The following MTMR8 variants were observed in gnomAD, a reference collection of about 807,000 sequenced individuals.
MTMR8 encodes the protein myotubularin related protein 8.
A neutral mutation model predicts 39.3 loss-of-function variants in MTMR8; 65 were observed. That is an observed-to-expected ratio of 1.65 (90% CI 1.35 to 2.03). The LOEUF is 2.03. MTMR8 is among the 30% of genes most tolerant of loss of function. The pLI, the probability that MTMR8 is intolerant of heterozygous loss-of-function variation, is 0.00. For missense variants in MTMR8, 777 were observed against 538.9 expected (o/e 1.44, Z -4.37); for synonymous variants, 245 against 185.2 (o/e 1.32, Z -2.62).
At chrX:64,318,703 TTTTTG>T (rs1452865346) in intron 12 of MTMR8, among the ~76,000 whole-genome samples, 2 of 94,839 alleles carry the variant, frequency 2.1e-5, no homozygotes, top group Non-Finnish European at 2.0e-5. Flanking sequence ...TTGGTTTGGT[TTTTTG>T]TTTTTTTTTT....
chrX:64,363,082 TGGTAG>T (rs1296790396), intron 1 of MTMR8, among the ~76,000 whole-genome samples: 1 of 111,835 alleles, frequency 8.9e-6, no homozygotes, highest in East Asian at 2.8e-4. Context: ...TGCCAAGTGT[TGGTAG>T]GGTTCAAGGC....
intron 10 of MTMR8, 26 bp downstream of exon 10, chrX:64,336,053 T>C: frequency 1.7e-6 from 2 of 1,156,098 alleles, no homozygotes; most frequent in Non-Finnish European, 2.3e-6. Flanking sequence ...CCTCAGCCCC[T>C]TCCTTCAAAA....
Position 64,268,508 on chromosome X carries a change from A to G in MTMR8, c.*29T>C. 1 of 1,179,591 alleles carries G rather than the reference A, an allele frequency of 8.5e-7. No individual in the cohort carries two copies. The highest frequency in any genetic ancestry group is 1.1e-6 in the Non-Finnish European group (1 of 880,560). On this transcript the variant is annotated 3_prime_UTR_variant, in exon 14 of 14. Coordinates refer to ENST00000374852, the MANE Select transcript of MTMR8 (RefSeq NM_017677.4). ...AAGAATCATTGTAGCTGCTGTAGGT[A>G]TACCTAGCATGGAAGATGAGTAACT...
chrX:64,289,636 C>CAAAAAAAAAA (rs749879321), intron 12 of MTMR8, among the ~76,000 whole-genome samples: 6 of 26,422 alleles, frequency 2.3e-4, no homozygotes, highest in African/African-American at 6.1e-4. Context: ...GACTCCATCG[C>CAAAAAAAAAA]AAAAAAAAAA....
At chrX:64,343,890 C>G (rs1923281883) in intron 7 of MTMR8, among the ~76,000 whole-genome samples, 170 bp from the exon 8 acceptor site, 1 of 111,498 alleles carries the variant, frequency 9.0e-6, no homozygotes, top group Non-Finnish European at 1.9e-5. Flanking sequence ...TAAAGCCTAC[C>G]AGATCTCCTC....
intron 12 of MTMR8, among the ~76,000 whole-genome samples, chrX:64,280,502 T>C (rs965135898): frequency 1.8e-5 from 2 of 111,926 alleles, no homozygotes; most frequent in Non-Finnish European, 3.8e-5. Context: ...TCAATGTCCT[T>C]CATGTTAAAA....
intron 12 of MTMR8, among the ~76,000 whole-genome samples, chrX:64,323,271 T>G (rs1419206094): frequency 8.9e-6 from 1 of 112,449 alleles, no homozygotes; most frequent in African/African-American, 3.2e-5. Flanking sequence ...GGAGTAGCTA[T>G]AATCATAACA....
Position 64,271,022 on chromosome X carries a change from C to G in MTMR8, c.1533G>C (p.Gln511His). The G allele has an allele frequency of 8.3e-7, 1 of 1,209,242 alleles. No individual in the cohort carries two copies. The highest frequency in any genetic ancestry group is 1.1e-6 in the Non-Finnish European group (1 of 894,265). The change falls in exon 13 of 14, where the codon CAG (glutamine) becomes CAC (histidine). Residue 511 changes from glutamine (Q) to histidine (H), a missense_variant. Physicochemically the swap from Gln to His is conservative, Grantham distance 24. Coordinates refer to ENST00000374852, the MANE Select transcript of MTMR8 (RefSeq NM_017677.4). ...TTTCCAGGAGGCTCTCTAGCATACT[C>G]TGCTTGGGCTGCAGCCCTTTGTCAA... Reference protein sequence around the residue: ...NRFDKGLQPKQSMLESLLEIK... With the variant: ...NRFDKGLQPKHSMLESLLEIK...
At chrX:64,395,237 G>A (rs1924789731) in intron 1 of MTMR8, 103 bp downstream of exon 1, 2 of 869,697 alleles carry the variant, frequency 2.3e-6, no homozygotes, top group Non-Finnish European at 3.4e-6. Flanking sequence ...CAGGAAAGAC[G>A]CGTCAAAGAA....
intron 1 of MTMR8, among the ~76,000 whole-genome samples, chrX:64,365,203 G>A (rs1290910716): frequency 1.8e-5 from 2 of 110,972 alleles, no homozygotes; most frequent in Non-Finnish European, 3.8e-5. Context: ...ACTATCCAAG[G>A]GAAAGTCCCC....
At chrX:64,350,482 T>G (rs1425524102) in intron 4 of MTMR8, among the ~76,000 whole-genome samples, 1 of 111,840 alleles carries the variant, frequency 8.9e-6, no homozygotes, top group Non-Finnish European at 1.9e-5. Flanking sequence ...AAGTACATTT[T>G]GTTCTTATAT....
chrX:64,370,650 T>C (rs1000470241), intron 1 of MTMR8, among the ~76,000 whole-genome samples: 2 of 112,126 alleles, frequency 1.8e-5, no homozygotes, highest in African/African-American at 6.5e-5. Flanking sequence ...ATAACAACAT[T>C]TCAGTCAACA....
At chrX:64,299,697 G>C (rs1450313361) in intron 12 of MTMR8, among the ~76,000 whole-genome samples, 1 of 97,692 alleles carries the variant, frequency 1.0e-5, no homozygotes, top group Non-Finnish European at 2.1e-5. Flanking sequence ...GATCTTTCCT[G>C]CTTTCTCTTG....
At chrX:64,385,301 C>T (rs1924530390) in intron 1 of MTMR8, among the ~76,000 whole-genome samples, 1 of 111,710 alleles carries the variant, frequency 9.0e-6, no homozygotes, top group African/African-American at 3.3e-5. Flanking sequence ...ATTTTGTTCA[C>T]AACCATTTAA....
At chrX:64,272,568 G>A (rs1602100199) in intron 12 of MTMR8, among the ~76,000 whole-genome samples, 1 of 111,499 alleles carries the variant, frequency 9.0e-6, no homozygotes, top group East Asian at 2.8e-4. Flanking sequence ...TATGCATTAT[G>A]GGAGTCCCAA....
chrX:64,274,225 A>C (rs1224622000), intron 12 of MTMR8, among the ~76,000 whole-genome samples: 1 of 112,375 alleles, frequency 8.9e-6, no homozygotes, highest in Non-Finnish European at 1.9e-5. Flanking sequence ...AGCTTATCAA[A>C]TTTAAGAAGA....
chrX:64,389,314 G>A (rs929012840), intron 1 of MTMR8, among the ~76,000 whole-genome samples: 1 of 111,520 alleles, frequency 9.0e-6, no homozygotes, highest in African/African-American at 3.3e-5. Context: ...CTAACTCTCT[G>A]TCTAGTATTG....
At chrX:64,283,240 C>A (rs1443842301) in intron 12 of MTMR8, among the ~76,000 whole-genome samples, 1 of 111,804 alleles carries the variant, frequency 8.9e-6, no homozygotes, top group Non-Finnish European at 1.9e-5. Flanking sequence ...GCACAGCAGT[C>A]TGAGATGGAA....
intron 1 of MTMR8, among the ~76,000 whole-genome samples, chrX:64,391,571 C>T (rs914657796): frequency 8.9e-6 from 1 of 111,802 alleles, no homozygotes; most frequent in African/African-American, 3.3e-5. Context: ...GGGCAGTTGC[C>T]ATATCCATAT....
Sources: gnomAD v4.1 joint callset for allele counts (sites outside exome capture counted in the v4.1 genomes callset) on GRCh38, gnomAD v4.1.1 for gene constraint, MANE v1.5 for transcripts, NCBI Gene and HGNC (gene_info 2026-07-23, HGNC 2026-07-21) for gene names.